The following MANSC4 variants were observed in gnomAD, a reference collection of about 807,000 sequenced individuals.
The protein encoded by MANSC4 is MANSC domain-containing protein 4.
Under a neutral mutation model 11.4 loss-of-function variants are expected in MANSC4, and 11 were observed. The ratio of observed to expected loss-of-function variants is 0.97; its 90% CI spans 0.61 to 1.60. The LOEUF (loss-of-function observed/expected upper bound fraction) is 1.60, where lower values mean the gene tolerates loss of function less well. Ranked by LOEUF, MANSC4 falls within the 40% of genes most tolerant of loss-of-function variation. MANSC4 has a pLI of 0.00. For synonymous variants in MANSC4, 123 were observed against 147.1 expected, an observed-to-expected ratio of 0.84 and a Z score of 1.19; for missense variants, 354 against 404.6, an observed-to-expected ratio of 0.88 and a Z score of 1.07.
At chr12:27,775,823 C>A (rs2062117812) in intron 1 of MANSC4, among the ~76,000 whole-genome samples, 1 of 151,386 alleles carries the variant, frequency 6.6e-6, no homozygotes. Flanking sequence ...GGCGTGGTGG[C>A]TCACGCCTGT....
chr12:27,768,807 T>A (rs976621061), intron 2 of MANSC4, among the ~76,000 whole-genome samples: 5 of 152,112 alleles, frequency 3.3e-5, no homozygotes, highest in Non-Finnish European at 5.9e-5. Flanking sequence ...ATTTTTGTAT[T>A]TTTAGTGGAG....
intron 3 of MANSC4, among the ~76,000 whole-genome samples, chr12:27,765,599 C>A (rs150424045): frequency 6.6e-6 from 1 of 152,276 alleles, no homozygotes; most frequent in East Asian, 1.9e-4. Flanking sequence ...TCACTAGCCT[C>A]CCCTTTGAAA....
In MANSC4 at chr12:27,763,411, A is replaced by C. The variant is rs2062057483; in HGVS notation, c.365-15T>G. The C allele has an allele frequency of 6.6e-7, 1 of 1,523,066 alleles. No individual in the cohort carries two copies. Among genetic ancestry groups the C allele is most frequent in the Non-Finnish European group, 8.8e-7 (1 of 1,134,388 alleles). 94.3% of individuals were successfully genotyped at this position (1,523,066 alleles called of 1,614,324 possible). ...CGGATCTATACCTGAAAAATAAATA[A>C]GGCATCATTCATTTTATTTTTACTT... On this transcript the variant is annotated splice_polypyrimidine_tract_variant and intron_variant, in intron 3 of 3. Coordinates refer to ENST00000381273, the MANE Select transcript of MANSC4 (RefSeq NM_001146221.5).
At position 27,766,753 on chromosome 12, in the gene MANSC4, A is replaced by C. The variant is rs1337326171; in HGVS notation, c.276T>G (p.Asn92Lys). ...AVFYHSPIHD[N>K]INCLHVHCPT... is the part of the protein sequence containing the mutation. ...GGCAGTGAACATGGAGGCAGTTGAT[A>C]TTGTCATGAATAGGACTGTGGTAGA... Residue 92 changes from asparagine to lysine, a missense_variant, in exon 3 of 4, where the codon AAT (asparagine) becomes AAG (lysine). Coordinates refer to ENST00000381273, the MANE Select transcript of MANSC4 (RefSeq NM_001146221.5). 1 of 1,551,626 alleles carries C rather than the reference A, an allele frequency of 6.4e-7. No individual in the cohort carries two copies. The highest frequency in any genetic ancestry group is 2.4e-5 in the East Asian group (1 of 40,922).
rs370551889 is a variant in MANSC4, at chr12:27,767,696, T to TCAACAA, written c.230-903_230-898dup. ...TGGGCAACAAGAGCGAAACTCCGTC[T>TCAACAA]CAACAACAACAACAACAACAACAAA... On this transcript the variant is annotated intron_variant, in intron 2 of 3. Coordinates refer to ENST00000381273, the MANE Select transcript of MANSC4 (RefSeq NM_001146221.5). Among the ~76,000 whole-genome samples the TCAACAA allele has an allele frequency of 4.3e-4, 66 of 151,866 alleles. 1 individual carries two copies. In the South Asian group the frequency reaches 5.8e-3, roughly 13 times the overall value.
At chr12:27,763,633 G>C (rs1164382759) in intron 3 of MANSC4, among the ~76,000 whole-genome samples, 1 of 151,880 alleles carries the variant, frequency 6.6e-6, no homozygotes, top group African/African-American at 2.4e-5. Flanking sequence ...CACCCAAGGA[G>C]AAGGCTTTGT....
rs1211738411 is a variant in MANSC4, at chr12:27,771,263, T to G, written c.14A>C (p.Glu5Ala). The change falls in exon 2 of 4, where the codon GAG becomes GCG. Residue 5 changes from glutamate to alanine, a missense_variant. Transcript: ENST00000381273. ...GAGCAATATCACGTTCACTGCTACCTCTGCCACATGCATTTTTCCTGTATG... is the reference window on the plus strand; with the variant it reads ...GAGCAATATCACGTTCACTGCTACCGCTGCCACATGCATTTTTCCTGTATG... MHVA[E>A]VAVNVILLLS... is the part of the protein sequence containing the mutation. The G allele has an allele frequency of 1.3e-6, 2 of 1,550,350 alleles. No homozygotes were observed. Among genetic ancestry groups the G allele is most frequent in the African/African-American group, 2.7e-5 (2 of 73,124 alleles).
chr12:27,768,009 G>A (rs1479407125), intron 2 of MANSC4, among the ~76,000 whole-genome samples: 2 of 152,208 alleles, frequency 1.3e-5, no homozygotes, highest in Non-Finnish European at 2.9e-5. Context: ...GGCAGGGACT[G>A]GACAGGCAGG....
chr12:27,778,843 A>T (rs150119621), intron 1 of MANSC4, among the ~76,000 whole-genome samples: 1 of 152,244 alleles, frequency 6.6e-6, no homozygotes, highest in Non-Finnish European at 1.5e-5. Flanking sequence ...TCTAATTGCA[A>T]TGTTCAGTGA....
chr12:27,774,643 C>A (rs1232316609), intron 1 of MANSC4, among the ~76,000 whole-genome samples: 1 of 152,148 alleles, frequency 6.6e-6, no homozygotes, highest in Non-Finnish European at 1.5e-5. Flanking sequence ...CAGAATAGGG[C>A]AACACCTCAT....
Position 27,780,124 on chromosome 12 carries a change from GAGA to G in MANSC4, c.-307+83_-307+85del, listed in dbSNP as rs1258739015. The G allele has an allele frequency of 4.9e-6, 1 of 202,760 alleles. No individual in the cohort carries two copies. Among genetic ancestry groups the G allele is most frequent in the African/African-American group, 2.3e-5 (1 of 42,610 alleles). 12.6% of individuals were successfully genotyped at this position (202,760 alleles called of 1,614,324 possible). A position where few individuals can be genotyped will look rare whatever the true frequency, so the allele number is the denominator to read the frequency against. ...GCCCTTTTTTGGCGCTGAGGGAAAG[GAGA>G]AGGGCAGGGCCGCCGCCTCGCGGGA... On this transcript the variant is annotated intron_variant, in intron 1 of 3. Coordinates refer to ENST00000381273, the MANE Select transcript of MANSC4 (RefSeq NM_001146221.5). This position sits in a 1 kb window ranked among gnomAD's most constrained non-coding sequence, Gnocchi z 8.8.
intron 1 of MANSC4, among the ~76,000 whole-genome samples, chr12:27,771,883 A>T (rs2062102263): frequency 6.7e-6 from 1 of 148,780 alleles, no homozygotes; most frequent in South Asian, 2.1e-4. Context: ...ATTCTTACTT[A>T]AAAAAAAAAC....
chr12:27,763,080 T>G lies in MANSC4; in HGVS notation c.681A>C (p.Pro227=). 1 of 1,551,724 alleles carries G rather than the reference T, an allele frequency of 6.4e-7. No individual in the cohort carries two copies. Among genetic ancestry groups the G allele is most frequent in the Non-Finnish European group, 8.7e-7 (1 of 1,147,002 alleles). ...VSPSTDFISN[P]DNKTISPFFE... ...AGAAAGGAGAAATAGTCTTATTATC[T>G]GGATTGCTGATGAAATCAGTACTTG... Residue 227 remains proline, a synonymous_variant, in exon 4 of 4, where the codon CCA becomes CCC. Transcript: ENST00000381273.
intron 1 of MANSC4, among the ~76,000 whole-genome samples, chr12:27,772,868 T>C (rs192656746): frequency 3.3e-4 from 51 of 152,392 alleles, no homozygotes; most frequent in African/African-American, 9.6e-4. Context: ...CAGGAAGGTC[T>C]ACTCTCTAAT....
chr12:27,774,122 T>C (rs757528700), intron 1 of MANSC4, among the ~76,000 whole-genome samples: 1 of 151,862 alleles, frequency 6.6e-6, no homozygotes, highest in Admixed American at 6.6e-5. Context: ...CACCCCAGCC[T>C]GGGAGACACA....
chr12:27,774,124 G>A (rs1210005050), intron 1 of MANSC4, among the ~76,000 whole-genome samples: 1 of 151,770 alleles, frequency 6.6e-6, no homozygotes, highest in Non-Finnish European at 1.5e-5. Context: ...CCCCAGCCTG[G>A]GAGACACAGC....
At chr12:27,770,858 G>A (rs996091384) in intron 2 of MANSC4, among the ~76,000 whole-genome samples, 190 bp downstream of exon 2, 1 of 152,138 alleles carries the variant, frequency 6.6e-6, no homozygotes, top group Non-Finnish European at 1.5e-5. Flanking sequence ...TGTAAATAGA[G>A]CCTGCTGTGG....
intron 1 of MANSC4, among the ~76,000 whole-genome samples, chr12:27,777,128 C>G (rs2062122100): frequency 6.6e-6 from 1 of 152,120 alleles, no homozygotes; most frequent in Admixed American, 6.6e-5. Context: ...AGACTAATAC[C>G]CCAGACTCCC....
chr12:27,766,073 CT>C (rs36071035), intron 3 of MANSC4, among the ~76,000 whole-genome samples: 163 of 143,196 alleles, frequency 1.1e-3, no homozygotes, highest in Admixed American at 1.5e-3. Context: ...ACCACAGGAC[CT>C]TTTTTTTTTT....
Sources: gnomAD v4.1 joint callset for allele counts (sites outside exome capture counted in the v4.1 genomes callset) on GRCh38, gnomAD v4.1.1 for gene constraint, Gnocchi (gnomAD v3.1) non-coding constraint, MANE v1.5 for transcripts, NCBI Gene and HGNC (gene_info 2026-07-23, HGNC 2026-07-21) for gene names.